The following RASGEF1B variants were observed in gnomAD, a reference collection of about 807,000 sequenced individuals.
The protein encoded by RASGEF1B is ras-GEF domain-containing family member 1B.
RASGEF1B carries 30 observed loss-of-function variants against 65.7 expected under a neutral mutation model. The observed-to-expected ratio is 0.46, with a 90% CI of 0.34 to 0.62. The LOEUF is 0.62. Ranked by LOEUF, RASGEF1B falls within the 20% of genes least tolerant of loss-of-function variation. The pLI is 0.01. For missense variants in RASGEF1B, 495 were observed against 580.1 expected (o/e 0.85, Z 1.51); for synonymous variants, 175 against 194.8 (o/e 0.90, Z 0.85).
chr4:81,464,253 A>G (rs563571333), intron 1 of RASGEF1B, among the ~76,000 whole-genome samples: 24 of 152,194 alleles, frequency 1.6e-4, no homozygotes, highest in Non-Finnish European at 1.9e-4. Flanking sequence ...ATACCTATCA[A>G]TGGGGACCAG....
Position 81,448,144 on chromosome 4 carries a change from C to T in RASGEF1B, c.579G>A (p.Gln193=), listed in dbSNP as rs1489252420. The T allele has an allele frequency of 6.2e-7, 1 of 1,614,182 alleles. No individual in the cohort carries two copies. Among genetic ancestry groups the T allele is most frequent in the Non-Finnish European group, 8.5e-7 (1 of 1,180,042 alleles). The change falls in exon 5 of 14, where the codon CAG becomes CAA. Residue 193 remains glutamine (Q), a synonymous_variant. Transcript: ENST00000264400. ...CAGTAATGATATCCCTTTGTATAGACTGTGGCTTGGTCTTGAGAACTGTGA... is the reference window on the plus strand; with the variant it reads ...CAGTAATGATATCCCTTTGTATAGATTGTGGCTTGGTCTTGAGAACTGTGA... ...DRLTVLKTKP[Q]SIQRDIITVC... is the part of the protein sequence containing the mutation.
At chr4:81,470,516 T>A (rs751380005) in intron 1 of RASGEF1B, among the ~76,000 whole-genome samples, 13 of 152,180 alleles carry the variant, frequency 8.5e-5, no homozygotes, top group African/African-American at 1.4e-4. Flanking sequence ...TTCCCCTTTA[T>A]GCACCCAGTT....
intron 1 of RASGEF1B, among the ~76,000 whole-genome samples, chr4:81,466,770 A>AAAAAAAAG (rs748492254): frequency 2.2e-4 from 8 of 36,100 alleles, no homozygotes; most frequent in African/African-American, 2.8e-4. Flanking sequence ...AAAAAAAAAA[A>AAAAAAAAG]AAAGAAAGAA....
intron 4 of RASGEF1B, chr4:81,452,817 T>G (rs1402271572): frequency 1.3e-5 from 2 of 152,228 alleles, no homozygotes; most frequent in Non-Finnish European, 2.9e-5. Context: ...TCATTTGTCA[T>G]GTAATTCAAT....
At chr4:81,460,042 A>G (rs545782282) in intron 1 of RASGEF1B, among the ~76,000 whole-genome samples, 1 of 152,368 alleles carries the variant, frequency 6.6e-6, no homozygotes, top group Admixed American at 6.5e-5. Flanking sequence ...ATGTTTATAT[A>G]TGTATATGTG....
chr4:81,460,780 A>C (rs1475207871), intron 1 of RASGEF1B, among the ~76,000 whole-genome samples: 2 of 152,234 alleles, frequency 1.3e-5, no homozygotes, highest in African/African-American at 2.4e-5. Context: ...AAGAAAAATA[A>C]ATGGGAGATA....
intron 10 of RASGEF1B, among the ~76,000 whole-genome samples, chr4:81,435,635 A>AC (rs1560694731): frequency 7.1e-6 from 1 of 140,324 alleles, no homozygotes; most frequent in African/African-American, 2.6e-5. Context: ...TGCCCGGCTA[A>AC]TTTTTTTTTT....
At chr4:81,427,901 G>T in intron 13 of RASGEF1B, 109 bp from the exon 14 acceptor site, 1 of 1,154,940 alleles carries the variant, frequency 8.7e-7, no homozygotes, top group Non-Finnish European at 1.2e-6. Context: ...TTTTAAGTTT[G>T]ATTTTACAAA....
At chr4:81,458,486 C>A (rs145740976) in intron 2 of RASGEF1B, among the ~76,000 whole-genome samples, 139 of 152,244 alleles carry the variant, frequency 9.1e-4, no homozygotes, top group African/African-American at 3.2e-3. Context: ...TGAATTACTG[C>A]GGCAAGCACC....
intron 10 of RASGEF1B, among the ~76,000 whole-genome samples, chr4:81,439,617 G>A (rs757967507): frequency 6.6e-6 from 1 of 152,322 alleles, no homozygotes; most frequent in Middle Eastern, 3.4e-3. Flanking sequence ...GAAGGTGAAT[G>A]AGGCCACATA....
chr4:81,431,416 C>A (rs1384812333), intron 13 of RASGEF1B, among the ~76,000 whole-genome samples: 1 of 152,054 alleles, frequency 6.6e-6, no homozygotes, highest in Non-Finnish European at 1.5e-5. Flanking sequence ...TCACCAATTA[C>A]TATGATATCC....
intron 13 of RASGEF1B, 70 bp downstream of exon 13, chr4:81,432,229 G>A (rs1018753676): frequency 2.5e-5 from 23 of 935,322 alleles, no homozygotes; most frequent in Non-Finnish European, 3.4e-5. Context: ...CCTATAGAAC[G>A]CATGTGGCTT....
At chr4:81,427,906 T>C (rs1178727170) in intron 13 of RASGEF1B, 114 bp from the exon 14 acceptor site, 15 of 1,131,874 alleles carry the variant, frequency 1.3e-5, no homozygotes, top group Non-Finnish European at 1.9e-5. Flanking sequence ...AGTTTGATTT[T>C]ACAAAGTTAA....
Position 81,429,419 on chromosome 4 carries a change from G to A in RASGEF1B, c.1398-1627C>T, listed in dbSNP as rs1372969799. Among the ~76,000 whole-genome samples, 5 of 152,178 alleles carry A rather than the reference G, an allele frequency of 3.3e-5. No homozygotes were observed. In the East Asian group the frequency reaches 7.7e-4, roughly 23 times the overall value. ...CCAATTGATACGGGAGTGCTGGGAGGGGAAGAGCACGGTCCCTTTAAATGA... is the reference window on the plus strand; with the variant it reads ...CCAATTGATACGGGAGTGCTGGGAGAGGAAGAGCACGGTCCCTTTAAATGA... On this transcript the variant is annotated intron_variant, in intron 13 of 13. Transcript: ENST00000264400.
intron 13 of RASGEF1B, among the ~76,000 whole-genome samples, chr4:81,429,469 G>T (rs1336555404): frequency 6.6e-6 from 1 of 152,178 alleles, no homozygotes; most frequent in Non-Finnish European, 1.5e-5. Context: ...GGGAAGTGCT[G>T]GGTAGAGAAA....
At chr4:81,433,373 A>AT (rs1044181461) in intron 12 of RASGEF1B, among the ~76,000 whole-genome samples, 1 of 152,028 alleles carries the variant, frequency 6.6e-6, no homozygotes, top group South Asian at 2.1e-4. Flanking sequence ...ACTTCTGATG[A>AT]TTTTTTTCTG....
intron 4 of RASGEF1B, 37 bp downstream of exon 4, chr4:81,456,614 G>C (rs1165561008): frequency 6.2e-7 from 1 of 1,611,470 alleles, no homozygotes; most frequent in Non-Finnish European, 8.5e-7. Context: ...GCTCTGCCTG[G>C]GAATTCCAGC....
intron 1 of RASGEF1B, among the ~76,000 whole-genome samples, chr4:81,465,680 TG>T (rs1416141384): frequency 6.6e-6 from 1 of 152,234 alleles, no homozygotes; most frequent in Non-Finnish European, 1.5e-5. Flanking sequence ...AACAGCAGAC[TG>T]TGTTTGAATT....
chr4:81,447,807 G>C (rs1459415260), intron 5 of RASGEF1B, among the ~76,000 whole-genome samples: 1 of 152,142 alleles, frequency 6.6e-6, no homozygotes, highest in Non-Finnish European at 1.5e-5. Flanking sequence ...TGGAAAAACT[G>C]ATTAGAGGCG....
Sources: allele counts gnomAD v4.1 joint callset (sites outside exome capture counted in the v4.1 genomes callset), GRCh38; gene constraint gnomAD v4.1.1; transcripts MANE v1.5; gene names NCBI Gene and HGNC (gene_info 2026-07-23, HGNC 2026-07-21).